SMARCA2: variants seen among roughly 807,000 people sequenced by gnomAD.
SMARCA2 encodes SWI/SNF-related matrix-associated actin-dependent regulator of chromatin subfamily A member 2.
Under a neutral mutation model 199.8 loss-of-function variants are expected in SMARCA2, and 61 were observed. The observed-to-expected ratio is 0.31, with a 90% CI of 0.25 to 0.38. The LOEUF (loss-of-function observed/expected upper bound fraction) is 0.38. Ranked by LOEUF, SMARCA2 falls within the 10% of genes least tolerant of loss-of-function variation. SMARCA2 has a pLI of 1.00. For missense variants in SMARCA2, 1,344 were observed against 2,012.2 expected, an observed-to-expected ratio of 0.67 and a Z score of 6.35; for synonymous variants, 935 against 732.0, an observed-to-expected ratio of 1.28 and a Z score of -4.48.
In SMARCA2 at chr9:2,070,509, A is replaced by G. The variant is rs1258997455; in HGVS notation, c.1746+38A>G. 18 of 1,524,790 alleles carry G rather than the reference A, an allele frequency of 1.2e-5. No homozygotes were observed. The East Asian group carries it at 3.6e-4, about 31-fold the overall frequency. The allele number at this position is 1,524,790 out of a possible 1,614,324, so 94.5% of individuals were successfully genotyped here. On this transcript the variant is annotated intron_variant, in intron 10 of 33. Coordinates refer to ENST00000349721, the MANE Select transcript of SMARCA2 (RefSeq NM_003070.5). ...CATCCTTTCCACTGTGTTCTGCTGAATGGAGTCTGTGCCATACCTGGCAGC... is the reference window on the plus strand; with the variant it reads ...CATCCTTTCCACTGTGTTCTGCTGAGTGGAGTCTGTGCCATACCTGGCAGC...
rs1370181830 is a variant in SMARCA2 at position 2,056,967 on chromosome 9, AACGGTTCCTTG to A, written c.1347+125_1347+135del. 1 of 809,074 alleles carries A rather than the reference AACGGTTCCTTG, an allele frequency of 1.2e-6. No individual in the cohort carries two copies. The highest frequency in any genetic ancestry group is 1.9e-6 in the Non-Finnish European group (1 of 517,546). The allele number at this position is 809,074 out of a possible 1,614,324, so 50.1% of individuals were successfully genotyped here. On this transcript the variant is annotated intron_variant, in intron 7 of 33. Coordinates refer to ENST00000349721, the MANE Select transcript of SMARCA2 (RefSeq NM_003070.5). This position sits in a 1 kb window ranked among gnomAD's most constrained non-coding sequence, Gnocchi z 4.0. ...GGGTGGTGGGGACATCACAGAACAG[AACGGTTCCTTG>A]ACATGTACATAATCCAACCACATCA... is the stretch of plus-strand genomic sequence containing the variant.
At chr9:2,149,841 TG>T (rs796435101) in intron 27 of SMARCA2, among the ~76,000 whole-genome samples, 3 of 151,774 alleles carry the variant, frequency 2.0e-5, no homozygotes, top group African/African-American at 7.2e-5. Context: ...CTCAAAATTT[TG>T]TTTGGCATTT....
At position 2,077,750 on chromosome 9, in the gene SMARCA2, A is replaced by C; in HGVS notation, c.2158A>C (p.Ile720Leu). Residue 720 changes from isoleucine (I) to leucine (L), a missense_variant, in exon 14 of 34, where the codon ATT becomes CTT. By Grantham distance (5) the Ile-to-Leu change is conservative. Transcript: ENST00000349721. ...GGTGGAGAAACAGTCTGCCCTCCTA[A>C]TTAATGGGACCCTAAAGCATTACCA... is the stretch of plus-strand genomic sequence containing the variant. ...ERVEKQSALL[I>L]NGTLKHYQLQ... 6.2e-7 allele frequency: 1 copy of C among 1,613,122 alleles called. No individual in the cohort carries two copies.
At chr9:2,032,863 T>C in intron 2 of SMARCA2, 89 bp from the exon 3 acceptor site, 1 of 1,262,206 alleles carries the variant, frequency 7.9e-7, no homozygotes, top group Admixed American at 2.2e-5. Context: ...TGCCACACTT[T>C]TAAAGAACTT....
chr9:2,032,909 T>C, intron 2 of SMARCA2, 43 bp from the exon 3 acceptor site: 3 of 1,574,596 alleles, frequency 1.9e-6, no homozygotes, highest in Non-Finnish European at 2.6e-6. Context: ...AGAAATATTT[T>C]ACCTTATAGA....
At chr9:2,149,115 T>C (rs1824913202) in intron 27 of SMARCA2, among the ~76,000 whole-genome samples, 1 of 151,082 alleles carries the variant, frequency 6.6e-6, no homozygotes, top group African/African-American at 2.4e-5. Context: ...AAAAGGAGGT[T>C]TAATTGGACT....
At chr9:2,077,124 T>C (rs76125742) in intron 13 of SMARCA2, among the ~76,000 whole-genome samples, 79 of 152,294 alleles carry the variant, frequency 5.2e-4, no homozygotes, top group African/African-American at 1.9e-3. Flanking sequence ...GAGTAGCTCA[T>C]GAACAAGGCA....
intron 21 of SMARCA2, 139 bp from the exon 22 acceptor site, chr9:2,101,431 C>A (rs116230491): frequency 8.2e-6 from 4 of 488,844 alleles, no homozygotes; most frequent in African/African-American, 2.0e-5. Flanking sequence ...TGGTTCATTA[C>A]GTGTGTAAGT....
rs770913956 is a variant in SMARCA2 at position 2,123,835 on chromosome 9, G to C, written c.3879G>C (p.Arg1293Ser). 6.2e-7 allele frequency: 1 copy of C among 1,612,540 alleles called. No individual in the cohort carries two copies. The highest frequency in any genetic ancestry group is 1.7e-5 in the Admixed American group (1 of 59,838). ...WIIKDDAEVE[R>S]LTCEEEEEKI... ...TTAAGGATGACGCTGAAGTAGAAAG[G>C]CTCACCTGTGAAGAAGAGGAGGAGA... The change falls in exon 27 of 34, where the codon AGG becomes AGC. Residue 1293 changes from arginine to serine, a missense_variant. Arg to Ser is a moderately radical substitution (Grantham distance 110, BLOSUM62 -1). Around this residue, in one of 18 missense-constraint regions of SMARCA2, gnomAD observed 63 missense variants for 83.3 expected, o/e 0.76. Coordinates refer to ENST00000349721, the MANE Select transcript of SMARCA2 (RefSeq NM_003070.5). The surrounding 1 kb of genome is among the most constrained non-coding windows in gnomAD (Gnocchi z 4.1).
chr9:2,108,439 T>TAA (rs1417669618), intron 23 of SMARCA2, among the ~76,000 whole-genome samples: 1 of 152,202 alleles, frequency 6.6e-6, no homozygotes, highest in Non-Finnish European at 1.5e-5. Flanking sequence ...GATTAACTGT[T>TAA]CGGTTTCATT....
chr9:2,061,665 C>A (rs1820597611), intron 9 of SMARCA2, among the ~76,000 whole-genome samples: 1 of 152,146 alleles, frequency 6.6e-6, no homozygotes, highest in Admixed American at 6.5e-5. Context: ...ATCCAGTCGT[C>A]TAGTTAGTGG....
At chr9:2,107,669 A>G (rs1156500703) in intron 23 of SMARCA2, among the ~76,000 whole-genome samples, 1 of 152,180 alleles carries the variant, frequency 6.6e-6, no homozygotes, top group Non-Finnish European at 1.5e-5. Context: ...TGCTTGAGGT[A>G]TCTGTTATAG....
At chr9:2,049,427 A>C (rs1271934249) in intron 5 of SMARCA2, among the ~76,000 whole-genome samples, 3 of 152,206 alleles carry the variant, frequency 2.0e-5, no homozygotes, top group African/African-American at 7.2e-5. Context: ...CTCCTATGTC[A>C]ATAAAAAATG....
Position 2,056,082 on chromosome 9 carries a change from G to C in SMARCA2, c.1174-590G>C, listed in dbSNP as rs1285610317. ...CAATACAGATAAAAGTATTACATTTGTGATCTGAAATAAGTTCATGATATA... is the reference window on the plus strand; with the variant it reads ...CAATACAGATAAAAGTATTACATTTCTGATCTGAAATAAGTTCATGATATA... On this transcript the variant is annotated intron_variant, in intron 6 of 33. Coordinates refer to ENST00000349721, the MANE Select transcript of SMARCA2 (RefSeq NM_003070.5). The surrounding 1 kb of genome is among the most constrained non-coding windows in gnomAD (Gnocchi z 4.0). Among the ~76,000 whole-genome samples the C allele has an allele frequency of 6.6e-6, 1 of 152,128 alleles. No individual in the cohort carries two copies. Among genetic ancestry groups the C allele is most frequent in the Admixed American group, 6.5e-5 (1 of 15,284 alleles).
At chr9:2,189,474 G>T (rs981580359) in intron 32 of SMARCA2, among the ~76,000 whole-genome samples, 1 of 151,982 alleles carries the variant, frequency 6.6e-6, no homozygotes, top group African/African-American at 2.4e-5. Context: ...CTATACTCCT[G>T]TGTCAGGGAG....
chr9:2,077,587 C>A (rs777703028), intron 13 of SMARCA2, 42 bp from the exon 14 acceptor site: 5 of 1,591,344 alleles, frequency 3.1e-6, no homozygotes, highest in Non-Finnish European at 4.3e-6. Context: ...AACACATGCA[C>A]GCACATGTCT....
At chr9:2,073,764 G>C in intron 12 of SMARCA2, 141 bp downstream of exon 12, 1 of 653,038 alleles carries the variant, frequency 1.5e-6, no homozygotes, top group Non-Finnish European at 2.7e-6. Flanking sequence ...CTGGGGCTAA[G>C]GATTTACAAA....
At chr9:2,034,346 C>G (rs574896695) in intron 3 of SMARCA2, among the ~76,000 whole-genome samples, 4 of 151,572 alleles carry the variant, frequency 2.6e-5, no homozygotes, top group Admixed American at 1.3e-4. Flanking sequence ...CACAATTCAA[C>G]TCACAACAAT....
At position 2,039,466 on chromosome 9, in the gene SMARCA2, G is replaced by A. The variant is rs1457896831; in HGVS notation, c.356G>A (p.Gly119Asp). 3 of 1,612,076 alleles carry A rather than the reference G, an allele frequency of 1.9e-6. No homozygotes were observed. The highest frequency in any genetic ancestry group is 2.5e-6 in the Non-Finnish European group (3 of 1,179,066). Residue 119 changes from glycine (G) to aspartate (D), a missense_variant and splice_region_variant, in exon 4 of 34, where the codon GGT (glycine) becomes GAT (aspartate). By Grantham distance (94) the Gly-to-Asp change is moderately conservative. Coordinates refer to ENST00000349721, the MANE Select transcript of SMARCA2 (RefSeq NM_003070.5). This position sits in a 1 kb window ranked among gnomAD's most constrained non-coding sequence, Gnocchi z 4.8. ...PQSPMDQHSQGYMSPHPSPLG... is the reference protein window; with the variant it reads ...PQSPMDQHSQDYMSPHPSPLG... ...GATTTCCTTTTGTGTTTTATTTTAG[G>A]TTATATGTCACCACACCCATCTCCA... is the stretch of plus-strand genomic sequence containing the variant.
Sources: allele counts gnomAD v4.1 joint callset (sites outside exome capture counted in the v4.1 genomes callset), GRCh38; gene constraint gnomAD v4.1.1; regional missense constraint gnomAD v4.1.1; non-coding constraint Gnocchi (gnomAD v3.1); transcripts MANE v1.5; gene names NCBI Gene and HGNC (gene_info 2026-07-23, HGNC 2026-07-21).